MBD5: variants seen among roughly 807,000 people sequenced by gnomAD.
MBD5 encodes methyl-CpG binding domain protein 5, also known as methyl-CpG-binding domain protein 5.
Under a neutral mutation model 117.3 loss-of-function variants are expected in MBD5, and 13 were observed. The ratio of observed to expected loss-of-function variants is 0.11; its 90% CI spans 0.07 to 0.18. The LOEUF is 0.18. Ranked by LOEUF, MBD5 falls within the 10% of genes least tolerant of loss-of-function variation. MBD5 has a pLI of 1.00. For missense variants in MBD5, 1,879 were observed against 2,093.8 expected, an observed-to-expected ratio of 0.90 and a Z score of 2.00; for synonymous variants, 727 against 766.4, an observed-to-expected ratio of 0.95 and a Z score of 0.85.
intron 4 of MBD5, among the ~76,000 whole-genome samples, chr2:148,421,117 G>A (rs1705590674): frequency 6.6e-6 from 1 of 152,180 alleles, no homozygotes. Flanking sequence ...AATACTGCCT[G>A]TGAGAGGTCT....
intron 3 of MBD5, among the ~76,000 whole-genome samples, chr2:148,327,246 C>A (rs1414537867): frequency 6.6e-6 from 1 of 152,068 alleles, no homozygotes; most frequent in Non-Finnish European, 1.5e-5. Flanking sequence ...GTAGCCTGAC[C>A]TTTCTCTCTT....
At chr2:148,320,566 G>C (rs1323760492) in intron 3 of MBD5, among the ~76,000 whole-genome samples, 1 of 152,124 alleles carries the variant, frequency 6.6e-6, no homozygotes, top group African/African-American at 2.4e-5. Flanking sequence ...ATATTGCCCA[G>C]GGTGGTCTCA....
chr2:148,323,105 T>C (rs927607143), intron 3 of MBD5, among the ~76,000 whole-genome samples: 2 of 151,802 alleles, frequency 1.3e-5, no homozygotes, highest in Admixed American at 1.3e-4. Flanking sequence ...GTTTGGTTTT[T>C]TGTTCTTGCG....
At chr2:148,101,457 G>A (rs1351306837) in intron 1 of MBD5, among the ~76,000 whole-genome samples, 1 of 151,664 alleles carries the variant, frequency 6.6e-6, no homozygotes, top group Admixed American at 6.6e-5. Flanking sequence ...GAAAGACCCT[G>A]TCCCTAAAAG....
chr2:148,079,902 C>A (rs1054836572), intron 1 of MBD5, among the ~76,000 whole-genome samples: 1 of 144,632 alleles, frequency 6.9e-6, no homozygotes, highest in South Asian at 2.2e-4. Context: ...ACAACAACAA[C>A]AAAAACTTGC....
chr2:148,282,455 C>A (rs369729224), intron 3 of MBD5, among the ~76,000 whole-genome samples: 5 of 152,108 alleles, frequency 3.3e-5, no homozygotes, highest in African/African-American at 1.2e-4. Flanking sequence ...TTTGTTTCCT[C>A]ATCTGTATTT....
chr2:148,493,034 C>T (rs1000297264), intron 11 of MBD5, among the ~76,000 whole-genome samples: 6 of 151,112 alleles, frequency 4.0e-5, no homozygotes, highest in African/African-American at 1.5e-4. Context: ...GAAAGGTAAG[C>T]ATTGCCTTAG....
intron 2 of MBD5, among the ~76,000 whole-genome samples, chr2:148,230,015 T>G (rs1156317428): frequency 6.6e-6 from 1 of 152,128 alleles, no homozygotes; most frequent in Non-Finnish European, 1.5e-5. Context: ...AGCACAGCAC[T>G]GGGTCTCACC....
intron 4 of MBD5, among the ~76,000 whole-genome samples, chr2:148,429,043 T>C (rs1705899912): frequency 6.6e-6 from 1 of 152,044 alleles, no homozygotes; most frequent in East Asian, 1.9e-4. Flanking sequence ...GAAACTCTCA[T>C]CAGAGTGAAC....
Position 148,469,114 on chromosome 2 carries a change from A to G in MBD5, c.1171A>G (p.Met391Val), listed in dbSNP as rs1473738515. Residue 391 changes from methionine to valine, a missense_variant, in exon 8 of 14, where the codon ATG becomes GTG. By Grantham distance (21) the Met-to-Val change is conservative. Transcript: ENST00000642680. Reference protein sequence around the residue: ...FHSNVHSQVPMMNVSMPPAVV... With the variant: ...FHSNVHSQVPVMNVSMPPAVV... ...TTCAAATGTCCACTCTCAGGTACCT[A>G]TGATGAATGTAAGCATGCCTCCTGC... 6.2e-7 allele frequency: 1 copy of G among 1,614,094 alleles called. No individual in the cohort carries two copies.
chr2:148,500,623 T>A (rs1284587065), intron 11 of MBD5, among the ~76,000 whole-genome samples: 2 of 152,098 alleles, frequency 1.3e-5, no homozygotes, highest in African/African-American at 4.8e-5. Context: ...ACCAATGGGG[T>A]AAGTTTTAAT....
chr2:148,447,196 A>G (rs770232771), intron 4 of MBD5, among the ~76,000 whole-genome samples: 8 of 10,046 alleles, frequency 8.0e-4, no homozygotes, highest in African/African-American at 9.0e-4. Flanking sequence ...AGAAAGAAAG[A>G]AAGAAAGAAA....
intron 1 of MBD5, among the ~76,000 whole-genome samples, chr2:148,141,140 G>C (rs1163422012): frequency 1.3e-5 from 2 of 152,168 alleles, no homozygotes; most frequent in Admixed American, 1.3e-4. Flanking sequence ...TTTTCACAAT[G>C]TCAGACTAGG....
intron 7 of MBD5, among the ~76,000 whole-genome samples, chr2:148,466,552 T>C (rs576782401): frequency 1.3e-5 from 2 of 152,240 alleles, no homozygotes; most frequent in South Asian, 2.1e-4. Flanking sequence ...ACATGGTCAG[T>C]CATAGGATAA....
intron 3 of MBD5, among the ~76,000 whole-genome samples, chr2:148,310,991 T>C (rs1247907111): frequency 6.6e-6 from 1 of 152,242 alleles, no homozygotes; most frequent in Admixed American, 6.5e-5. Flanking sequence ...TCTAATTTGA[T>C]TGTACTGTGG....
At chr2:148,410,149 C>A (rs903176055) in intron 4 of MBD5, among the ~76,000 whole-genome samples, 11 of 152,078 alleles carry the variant, frequency 7.2e-5, no homozygotes, top group Non-Finnish European at 1.2e-4. Flanking sequence ...AACAGTTTGT[C>A]CTTTTACCAG....
At chr2:148,077,072 A>G (rs1695526972) in intron 1 of MBD5, among the ~76,000 whole-genome samples, 1 of 152,218 alleles carries the variant, frequency 6.6e-6, no homozygotes, top group African/African-American at 2.4e-5. Context: ...TTTACTGTCT[A>G]ATCCTGCACA....
chr2:148,306,621 AG>A (rs1701903162), intron 3 of MBD5, among the ~76,000 whole-genome samples: 1 of 152,228 alleles, frequency 6.6e-6, no homozygotes, highest in African/African-American at 2.4e-5. Context: ...TAAGAGAAAA[AG>A]GTTTCTTTAA....
chr2:148,258,405 T>C (rs1054001449), intron 3 of MBD5, among the ~76,000 whole-genome samples: 1 of 152,118 alleles, frequency 6.6e-6, no homozygotes, highest in African/African-American at 2.4e-5. Context: ...CAGGTTCCCA[T>C]AAAGAAGGCT....
Sources: gnomAD v4.1 joint callset for allele counts (sites outside exome capture counted in the v4.1 genomes callset) on GRCh38, gnomAD v4.1.1 for gene constraint, MANE v1.5 for transcripts, NCBI Gene and HGNC (gene_info 2026-07-23, HGNC 2026-07-21) for gene names.